Variants in ANKRD36C observed in about 807,000 individuals in gnomAD.
ANKRD36C encodes ankyrin repeat domain 36C, also known as ankyrin repeat domain-containing protein 36C.
In ANKRD36C, 61 loss-of-function variants were observed where a neutral mutation model predicts 276.4. That is an observed-to-expected ratio of 0.22 (90% confidence interval 0.18 to 0.27). The LOEUF is 0.27. Among genes scored for constraint, ANKRD36C ranks in the 10% least tolerant of loss-of-function variants. ANKRD36C has a pLI of 1.00. For synonymous variants in ANKRD36C, 483 were observed against 680.1 expected, an observed-to-expected ratio of 0.71 and a Z score of 4.51; for missense variants, 1,447 against 2,032.3, an observed-to-expected ratio of 0.71 and a Z score of 5.54.
At chr2:95,977,458 G>A (rs2918848) in intron 6 of ANKRD36C, among the ~76,000 whole-genome samples, 3,516 of 88,448 alleles carry the variant, frequency 0.04, no homozygotes, top group Non-Finnish European at 0.064. Flanking sequence ...GAAGGCATAC[G>A]GGCAAGAAAA....
intron 1 of ANKRD36C, 22 bp downstream of exon 1, chr2:95,991,490 C>T (rs1185289825): frequency 8.9e-6 from 14 of 1,571,418 alleles, no homozygotes; most frequent in Non-Finnish European, 1.2e-5. Context: ...CTCCCGCAGC[C>T]CCGGCTCCCG....
intron 14 of ANKRD36C, among the ~76,000 whole-genome samples, chr2:95,953,644 A>G (rs1678255331): frequency 6.6e-6 from 1 of 152,106 alleles, no homozygotes; most frequent in African/African-American, 2.4e-5. Context: ...CAAAATTTGT[A>G]TATCCTCTAC....
rs1458640504 is a variant in ANKRD36C, at chr2:95,919,266, A to T, written c.2246-1224T>A. On this transcript the variant is annotated intron_variant, in intron 34 of 66. Transcript: ENST00000456556. ...CCTCCTTCCTGCCTGACAATCCATC[A>T]TCCTTGGGAAAATAATTGCTACATC... 1.7e-4 allele frequency among the ~76,000 whole-genome samples: 23 copies of T among 133,140 alleles called. 4 individuals are homozygous for T. Among genetic ancestry groups the T allele is most frequent in the African/African-American group, 2.5e-4 (10 of 39,446 alleles). The allele number at this position is 133,140 out of a possible 152,430, so 87.3% of individuals were successfully genotyped here.
At chr2:95,968,911 T>C (rs1335357530) in intron 6 of ANKRD36C, among the ~76,000 whole-genome samples, 2 of 152,162 alleles carry the variant, frequency 1.3e-5, no homozygotes, top group African/African-American at 4.8e-5. Flanking sequence ...AGGATACAGA[T>C]AAAGAGATGC....
At chr2:95,979,074 T>C (rs993974723) in intron 5 of ANKRD36C, among the ~76,000 whole-genome samples, 14 of 151,990 alleles carry the variant, frequency 9.2e-5, no homozygotes, top group African/African-American at 3.4e-4. Context: ...TAGATGCAAG[T>C]TGACATTTTC....
chr2:95,923,998 C>T (rs1056062189), intron 30 of ANKRD36C, among the ~76,000 whole-genome samples: 1 of 151,644 alleles, frequency 6.6e-6, no homozygotes, highest in South Asian at 2.1e-4. Flanking sequence ...ATCAGAGGAG[C>T]AACTCATACA....
chr2:95,950,618 G>A, intron 16 of ANKRD36C, 131 bp downstream of exon 16: 1 of 1,144,510 alleles, frequency 8.7e-7, no homozygotes, highest in South Asian at 1.7e-5. Flanking sequence ...GTGTGAAGAT[G>A]ACATGACATG....
chr2:95,963,154 A>G (rs574325997), intron 6 of ANKRD36C, among the ~76,000 whole-genome samples: 13 of 152,030 alleles, frequency 8.6e-5, no homozygotes, highest in African/African-American at 1.2e-4. Flanking sequence ...ATAATTGCCC[A>G]AGTTTCTTGT....
In ANKRD36C at chr2:95,982,374, C is replaced by A. The variant is rs1482347863; in HGVS notation, c.487-12G>T. On this transcript the variant is annotated splice_polypyrimidine_tract_variant and intron_variant, in intron 3 of 66. Coordinates refer to ENST00000456556, the Ensembl canonical transcript of ANKRD36C. ...GGCGGATATTCATCCTGTAAAATAA[C>A]AGCAACAATTTATAATCACAAAATT... is the stretch of plus-strand genomic sequence containing the variant. 1.3e-6 allele frequency: 2 copies of A among 1,522,262 alleles called. No homozygotes were observed. Among genetic ancestry groups the A allele is most frequent in the Non-Finnish European group, 1.8e-6 (2 of 1,127,494 alleles). 94.3% of individuals were successfully genotyped at this position (1,522,262 alleles called of 1,614,324 possible). A position where few individuals can be genotyped will look rare whatever the true frequency, so the allele number is the denominator to read the frequency against.
intron 59 of ANKRD36C, among the ~76,000 whole-genome samples, chr2:95,874,699 A>G (rs1246929581): frequency 2.0e-5 from 3 of 152,256 alleles, no homozygotes; most frequent in Admixed American, 6.5e-5. Flanking sequence ...TAAACTGAAG[A>G]GCTTCTGCAC....
downstream of ANKRD36C, among the ~76,000 whole-genome samples, chr2:95,850,233 T>C (rs1675262077): frequency 6.6e-6 from 1 of 152,292 alleles, no homozygotes; most frequent in South Asian, 2.1e-4. Flanking sequence ...AACCATGTGC[T>C]AAGGTACTAG....
At chr2:95,856,610 C>A (rs1250184837) in intron 62 of ANKRD36C, among the ~76,000 whole-genome samples, 1 of 152,106 alleles carries the variant, frequency 6.6e-6, no homozygotes, top group African/African-American at 2.4e-5. Flanking sequence ...TTTCCAAATT[C>A]TTTAAGTTCT....
chr2:95,890,117 T>G (rs1676304167), intron 46 of ANKRD36C, 123 bp from the exon 67 acceptor site: 4 of 1,304,390 alleles, frequency 3.1e-6, no homozygotes, highest in Non-Finnish European at 3.3e-6. Flanking sequence ...TTTGATGGCT[T>G]CTATATTGTG....
intron 30 of ANKRD36C, among the ~76,000 whole-genome samples, chr2:95,924,008 A>C (rs867597793): frequency 5.9e-5 from 9 of 151,722 alleles, no homozygotes; most frequent in African/African-American, 1.9e-4. Flanking sequence ...CAACTCATAC[A>C]CCTGAGAATC....
intron 42 of ANKRD36C, among the ~76,000 whole-genome samples, chr2:95,908,994 G>A (rs1041818107): frequency 2.0e-5 from 3 of 151,096 alleles, no homozygotes; most frequent in African/African-American, 7.3e-5. Context: ...AGGACAAAGT[G>A]ATCTAAAATC....
At chr2:95,983,197 C>G (rs1221873644) in intron 3 of ANKRD36C, among the ~76,000 whole-genome samples, 1 of 151,596 alleles carries the variant, frequency 6.6e-6, no homozygotes, top group Non-Finnish European at 1.5e-5. Flanking sequence ...TGAAGCCTCT[C>G]TCTCTTTAAT....
chr2:95,969,271 A>G (rs1043942394), intron 6 of ANKRD36C, among the ~76,000 whole-genome samples: 2 of 152,114 alleles, frequency 1.3e-5, no homozygotes, highest in African/African-American at 4.8e-5. Context: ...TTAGCATACA[A>G]ATGATATCAT....
chr2:95,962,584 A>G, intron 6 of ANKRD36C, 37 bp from the exon 7 acceptor site: 2 of 1,596,274 alleles, frequency 1.3e-6, no homozygotes, highest in East Asian at 4.5e-5. Context: ...AATCATAGGT[A>G]AATATGATAC....
chr2:95,963,407 T>C (rs1323040019), intron 6 of ANKRD36C, among the ~76,000 whole-genome samples: 1 of 151,822 alleles, frequency 6.6e-6, no homozygotes, highest in Non-Finnish European at 1.5e-5. Flanking sequence ...TAAAATAGTC[T>C]GGTTTGAAGT....
Sources: allele counts gnomAD v4.1 joint callset (sites outside exome capture counted in the v4.1 genomes callset), GRCh38; gene constraint gnomAD v4.1.1; transcripts MANE v1.5; gene names NCBI Gene and HGNC (gene_info 2026-07-23, HGNC 2026-07-21).